Variants in SEPTIN8 observed in about 807,000 individuals in gnomAD.
SEPTIN8 encodes the protein septin-8.
In SEPTIN8, 22 loss-of-function variants were observed where a neutral mutation model predicts 53.1. That is an observed-to-expected ratio of 0.41 (90% CI 0.30 to 0.59). The LOEUF (loss-of-function observed/expected upper bound fraction) is 0.59, where lower values mean the gene tolerates loss of function less well. Among genes scored for constraint, SEPTIN8 ranks in the 20% least tolerant of loss-of-function variants. SEPTIN8 has a pLI of 0.24. For missense variants in SEPTIN8, 536 were observed against 638.7 expected (o/e 0.84, Z 1.73); for synonymous variants, 228 against 248.4 (o/e 0.92, Z 0.77).
intron 2 of SEPTIN8, among the ~76,000 whole-genome samples, chr5:132,765,030 T>C (rs530001779): frequency 6.6e-6 from 1 of 151,826 alleles, no homozygotes; most frequent in Non-Finnish European, 1.5e-5. Flanking sequence ...GCACTTACCA[T>C]AGGATATGGT....
Position 132,753,061 on chromosome 5 carries a change from G to A in SEPTIN8, c.1287-880C>T, listed in dbSNP as rs988231298. The A allele has an allele frequency of 2.2e-5, 23 of 1,030,380 alleles. No homozygotes were observed. In the South Asian group the frequency reaches 2.5e-4, roughly 11 times the overall value. The allele number at this position is 1,030,380 out of a possible 1,614,324, so 63.8% of individuals were successfully genotyped here. A position where few individuals can be genotyped will look rare whatever the true frequency, so the allele number is the denominator to read the frequency against. ...AGTTCTTTGGCTTGTTATGAATCCT[G>A]TAAAAAGGGAAGGTGGCTCTGGAAG... On this transcript the variant is annotated intron_variant, in intron 9 of 9. Transcript: ENST00000378719.
Position 132,760,660 on chromosome 5 carries a change from G to T in SEPTIN8, c.1286+142C>A. The T allele has an allele frequency of 1.3e-6, 1 of 757,270 alleles. No individual in the cohort carries two copies. Among genetic ancestry groups the T allele is most frequent in the Non-Finnish European group, 2.2e-6 (1 of 459,886 alleles). 46.9% of individuals were successfully genotyped at this position (757,270 alleles called of 1,614,324 possible). On this transcript the variant is annotated intron_variant, in intron 9 of 9. Coordinates refer to ENST00000378719, the MANE Select transcript of SEPTIN8 (RefSeq NM_001098811.2). This position sits in a 1 kb window ranked among gnomAD's most constrained non-coding sequence, Gnocchi z 5.2. ...GGCAACCAAGAAAGCTGGGGGGAGAGCCACTGAAGATGAGGGAAAACCAAA... is the reference window on the plus strand; with the variant it reads ...GGCAACCAAGAAAGCTGGGGGGAGATCCACTGAAGATGAGGGAAAACCAAA...
At chr5:132,768,293 G>A (rs1306009418) in intron 1 of SEPTIN8, among the ~76,000 whole-genome samples, 1 of 151,620 alleles carries the variant, frequency 6.6e-6, no homozygotes, top group African/African-American at 2.4e-5. Flanking sequence ...GACCAGTCAG[G>A]GGTATGAGTC....
chr5:132,776,361 TGGCTGTC>T lies in SEPTIN8; in HGVS notation c.30+740_30+746del, dbSNP rs1581207195. ...TGAATTATGAAAGCCTTTAGTAAGT[TGGCTGTC>T]GGCAGGCTCAGGCCCAGTGAGACCC... On this transcript the variant is annotated intron_variant, in intron 1 of 9. Transcript: ENST00000378719. The surrounding 1 kb of genome is among the most constrained non-coding windows in gnomAD (Gnocchi z 4.4). 6.6e-6 allele frequency among the ~76,000 whole-genome samples: 1 copy of T among 152,164 alleles called. No individual in the cohort carries two copies. The highest frequency in any genetic ancestry group is 2.4e-5 in the African/African-American group (1 of 41,438).
chr5:132,755,809 C>A (rs1001947574), intron 9 of SEPTIN8, among the ~76,000 whole-genome samples: 5 of 152,200 alleles, frequency 3.3e-5, no homozygotes, highest in African/African-American at 1.2e-4. Flanking sequence ...TTCCCTCCAT[C>A]CCCCACCTAT....
chr5:132,758,115 A>G (rs1227509062), intron 9 of SEPTIN8: 3 of 1,020,392 alleles, frequency 2.9e-6, no homozygotes, highest in Non-Finnish European at 3.5e-6. Context: ...TCATGTTCCA[A>G]TTCCATCCAT....
At chr5:132,762,793 C>G in intron 4 of SEPTIN8, 148 bp from the exon 5 acceptor site, 2 of 839,742 alleles carry the variant, frequency 2.4e-6, no homozygotes, top group Non-Finnish European at 3.7e-6. Flanking sequence ...CTCCCACGGG[C>G]AGCCATAGTG....
At chr5:132,771,107 T>C (rs941264653) in intron 1 of SEPTIN8, among the ~76,000 whole-genome samples, 14 of 152,190 alleles carry the variant, frequency 9.2e-5, no homozygotes, top group Non-Finnish European at 1.8e-4. Flanking sequence ...CTTTTCCTGA[T>C]AGGAAATGCT....
Position 132,760,943 on chromosome 5 carries a change from C to T in SEPTIN8, c.1145G>A (p.Arg382His), listed in dbSNP as rs537848857. Reference sequence around the variant, plus strand: ...TTCCCGGCGCTTTTCCTCCACCTTGCGCTTCTCCTCCTGGTGGACCCGCTT... The same window carrying T: ...TTCCCGGCGCTTTTCCTCCACCTTGTGCTTCTCCTCCTGGTGGACCCGCTT... The part of the protein sequence containing the change: ...HLKRVHQEEK[R>H]KVEEKRRELE... Residue 382 changes from arginine (R) to histidine (H), a missense_variant, in exon 9 of 10, where the codon CGC (arginine) becomes CAC (histidine). This residue lies in a region of SEPTIN8 where 133 missense variants were observed against 157.4 expected (regional missense o/e 0.84). Transcript: ENST00000378719. The surrounding 1 kb of genome is among the most constrained non-coding windows in gnomAD (Gnocchi z 5.2). 3 of 1,598,218 alleles carry T rather than the reference C, an allele frequency of 1.9e-6. No homozygotes were observed. Among genetic ancestry groups the T allele is most frequent in the African/African-American group, 1.3e-5 (1 of 74,330 alleles).
intron 5 of SEPTIN8, among the ~76,000 whole-genome samples, chr5:132,762,186 C>A (rs1756050479): frequency 6.6e-6 from 1 of 152,228 alleles, no homozygotes; most frequent in Non-Finnish European, 1.5e-5. Flanking sequence ...GTGAGCCTGG[C>A]TCCCTTCCAG....
intron 1 of SEPTIN8, among the ~76,000 whole-genome samples, chr5:132,767,603 T>A (rs1326586243): frequency 6.6e-6 from 1 of 152,168 alleles, no homozygotes; most frequent in Non-Finnish European, 1.5e-5. Context: ...CCCATTACTA[T>A]GCCCAACATG....
Position 132,775,513 on chromosome 5 carries a change from G to C in SEPTIN8, c.30+1595C>G, listed in dbSNP as rs141825965. On this transcript the variant is annotated intron_variant, in intron 1 of 9. Transcript: ENST00000378719. ...TATTTCTATCCCATTATACGCATGA[G>C]AGCACCAAGGGGTTAAATAACCTGC... 4.6e-5 allele frequency among the ~76,000 whole-genome samples: 7 copies of C among 152,276 alleles called. No individual in the cohort carries two copies. The East Asian group carries it at 1.3e-3, about 29-fold the overall frequency.
chr5:132,774,125 T>C (rs1757576870), intron 1 of SEPTIN8: 1 of 166,502 alleles, frequency 6.0e-6, no homozygotes, highest in African/African-American at 2.4e-5. Flanking sequence ...CAATTCCTGC[T>C]TCAGGAGGGA....
At chr5:132,765,633 C>G in intron 1 of SEPTIN8, 104 bp from the exon 2 acceptor site, 1 of 1,340,956 alleles carries the variant, frequency 7.5e-7, no homozygotes, top group African/African-American at 1.5e-5. Flanking sequence ...CAGCCCCACC[C>G]GATGTCTGAA....
intron 2 of SEPTIN8, among the ~76,000 whole-genome samples, chr5:132,764,851 G>A (rs1375067678): frequency 3.3e-5 from 5 of 152,114 alleles, no homozygotes; most frequent in Admixed American, 2.0e-4. Flanking sequence ...CATGCGCCCC[G>A]GACAGCCCTA....
intron 9 of SEPTIN8, chr5:132,758,827 G>A: frequency 2.5e-6 from 4 of 1,613,462 alleles, no homozygotes; most frequent in Non-Finnish European, 3.4e-6. Context: ...TGCGTTAACT[G>A]AAAAATAAAA....
intron 1 of SEPTIN8, among the ~76,000 whole-genome samples, chr5:132,771,856 G>A (rs1055586152): frequency 7.7e-6 from 1 of 130,094 alleles, no homozygotes; most frequent in East Asian, 2.7e-4. Flanking sequence ...GAGGTTACGG[G>A]AAATAACCAA....
intron 9 of SEPTIN8, chr5:132,758,942 G>A (rs1487474576): frequency 1.1e-6 from 1 of 946,634 alleles, no homozygotes; most frequent in Non-Finnish European, 1.7e-6. Context: ...AGTCAGTTTG[G>A]CATTTGTGAC....
At chr5:132,754,238 T>C in intron 9 of SEPTIN8, 1 of 600,266 alleles carries the variant, frequency 1.7e-6, no homozygotes, top group Non-Finnish European at 3.0e-6. Flanking sequence ...GAACACTATC[T>C]CCTAGGTCAT....
Sources: allele counts gnomAD v4.1 joint callset (sites outside exome capture counted in the v4.1 genomes callset), GRCh38; gene constraint gnomAD v4.1.1; regional missense constraint gnomAD v4.1.1; non-coding constraint Gnocchi (gnomAD v3.1); transcripts MANE v1.5; gene names NCBI Gene and HGNC (gene_info 2026-07-23, HGNC 2026-07-21).